ATXN7: variants seen among roughly 807,000 people sequenced by gnomAD.
ATXN7 encodes the protein ataxin-7.
In ATXN7, 12 loss-of-function variants were observed where a neutral mutation model predicts 70.5. That is an observed-to-expected ratio of 0.17 (90% confidence interval 0.11 to 0.28). The LOEUF (loss-of-function observed/expected upper bound fraction) is 0.28. Among genes scored for constraint, ATXN7 ranks in the 10% least tolerant of loss-of-function variants. The pLI is 1.00. For synonymous variants in ATXN7, 498 were observed against 448.7 expected (o/e 1.11, Z -1.39); for missense variants, 1,256 against 1,131.7 (o/e 1.11, Z -1.58).
intron 5 of ATXN7, among the ~76,000 whole-genome samples, chr3:63,965,223 T>A (rs2075199547): frequency 6.6e-6 from 1 of 152,184 alleles, no homozygotes; most frequent in Non-Finnish European, 1.5e-5. Context: ...TTGCTGAACG[T>A]TTAACAAGTG....
intron 4 of ATXN7, among the ~76,000 whole-genome samples, chr3:63,914,590 G>T (rs973961813): frequency 6.6e-6 from 1 of 152,204 alleles, no homozygotes; most frequent in African/African-American, 2.4e-5. Flanking sequence ...TAAGCAGTTA[G>T]AGTAGAACTT....
Position 63,988,295 on chromosome 3 carries a change from A to G in ATXN7, c.1332A>G (p.Lys444=). Residue 444 remains lysine (K), a synonymous_variant, in exon 9 of 13, where the codon AAA becomes AAG. Transcript: ENST00000674280. Reference sequence around the variant, plus strand: ...AATCAAAGCCTTTTGTAGCTAGTAAACCTAAACCTCACACCCCCAGTCTTC... The same window carrying G: ...AATCAAAGCCTTTTGTAGCTAGTAAGCCTAAACCTCACACCCCCAGTCTTC... ...PSESKPFVAS[K]PKPHTPSLPR... 1 of 1,613,918 alleles carries G rather than the reference A, an allele frequency of 6.2e-7. No homozygotes were observed. The highest frequency in any genetic ancestry group is 8.5e-7 in the Non-Finnish European group (1 of 1,179,968).
chr3:63,998,502 T>C, intron 12 of ATXN7: 2 of 985,430 alleles, frequency 2.0e-6, no homozygotes, highest in Non-Finnish European at 2.4e-6. Context: ...AGTGGCACTA[T>C]GTCTTACTAG....
At chr3:63,976,670 G>T (rs1338862747) in intron 5 of ATXN7, among the ~76,000 whole-genome samples, 1 of 152,160 alleles carries the variant, frequency 6.6e-6, no homozygotes, top group Non-Finnish European at 1.5e-5. Flanking sequence ...ACAGTGATGG[G>T]AATGGAAAAT....
At chr3:63,879,687 T>C (rs1411066902) in intron 1 of ATXN7, among the ~76,000 whole-genome samples, 1 of 152,016 alleles carries the variant, frequency 6.6e-6, no homozygotes, top group Non-Finnish European at 1.5e-5. Flanking sequence ...AGACGGGGTT[T>C]CACTATGTTG....
In ATXN7 at chr3:63,879,551, G is replaced by A. The variant is rs1323462353; in HGVS notation, c.-111+15393G>A. 6.6e-5 allele frequency among the ~76,000 whole-genome samples: 10 copies of A among 150,694 alleles called. No homozygotes were observed. The East Asian group carries it at 1.8e-3, about 27-fold the overall frequency. ...CACCCAGGCTAAATGAAGTACAGTG[G>A]CGCGATCTCGGCTCACTGCAACCTC... On this transcript the variant is annotated intron_variant, in intron 1 of 12. Transcript: ENST00000674280.
At chr3:63,985,635 G>A (rs1327502922) in intron 8 of ATXN7, among the ~76,000 whole-genome samples, 2 of 152,170 alleles carry the variant, frequency 1.3e-5, no homozygotes, top group Non-Finnish European at 2.9e-5. Context: ...ACCGTCAGGG[G>A]ATTTGCTGCT....
At chr3:63,922,970 G>A (rs1017626467) in intron 4 of ATXN7, among the ~76,000 whole-genome samples, 3 of 152,138 alleles carry the variant, frequency 2.0e-5, no homozygotes, top group African/African-American at 2.4e-5. Context: ...AATCACACTC[G>A]ATCAAGGACA....
intron 5 of ATXN7, among the ~76,000 whole-genome samples, chr3:63,974,950 G>A (rs1441731717): frequency 3.3e-5 from 5 of 152,190 alleles, no homozygotes; most frequent in African/African-American, 9.7e-5. Flanking sequence ...AATAATACAC[G>A]TGGTGGTGAA....
intron 10 of ATXN7, 120 bp from the exon 11 acceptor site, chr3:63,990,618 T>C: frequency 6.7e-7 from 1 of 1,496,964 alleles, no homozygotes; most frequent in Non-Finnish European, 9.2e-7. Context: ...CTTCACAGCC[T>C]CCGGTACTCA....
At chr3:63,879,779 T>A (rs943731275) in intron 1 of ATXN7, among the ~76,000 whole-genome samples, 2 of 152,114 alleles carry the variant, frequency 1.3e-5, no homozygotes, top group Non-Finnish European at 2.9e-5. Flanking sequence ...ATTCCACCGA[T>A]CTAGAAATAC....
At chr3:63,929,254 T>G (rs796366476) in intron 4 of ATXN7, among the ~76,000 whole-genome samples, 4 of 148,920 alleles carry the variant, frequency 2.7e-5, no homozygotes, top group African/African-American at 1.0e-4. Context: ...TAGGAAGCTT[T>G]CTCTCTCTCT....
chr3:63,947,496 G>C (rs1452780255), intron 4 of ATXN7, among the ~76,000 whole-genome samples: 1 of 152,186 alleles, frequency 6.6e-6, no homozygotes, highest in Non-Finnish European at 1.5e-5. Context: ...GGAGGCTGAG[G>C]TGGAAGGATC....
At chr3:63,880,042 C>T (rs569196653) in intron 1 of ATXN7, among the ~76,000 whole-genome samples, 3 of 151,950 alleles carry the variant, frequency 2.0e-5, no homozygotes, top group Non-Finnish European at 2.9e-5. Flanking sequence ...GCTGAGATCG[C>T]GCCACTGCAC....
rs191818872 is a variant in ATXN7 at position 63,868,692 on chromosome 3, C to T, written c.-111+4534C>T. ...CTGGGCAGGAAGAAATGATAGCCAC[C>T]CACCAGCATTATATTTCTCTCTGTG... On this transcript the variant is annotated intron_variant, in intron 1 of 12. Coordinates refer to ENST00000674280, the MANE Select transcript of ATXN7 (RefSeq NM_001377405.1). Among the ~76,000 whole-genome samples the T allele has an allele frequency of 4.6e-5, 7 of 151,932 alleles. No individual in the cohort carries two copies. In the East Asian group the frequency reaches 1.2e-3, roughly 25 times the overall value.
chr3:63,971,503 G>C (rs1038014337), intron 5 of ATXN7, among the ~76,000 whole-genome samples: 1 of 152,168 alleles, frequency 6.6e-6, no homozygotes, highest in African/African-American at 2.4e-5. Flanking sequence ...ATGTTTGCTT[G>C]TCAGGCCATA....
intron 12 of ATXN7, chr3:63,998,284 T>G: frequency 1.0e-6 from 1 of 984,806 alleles, no homozygotes; most frequent in Non-Finnish European, 1.2e-6. Flanking sequence ...CTTCCAGACA[T>G]TTGTTACCAG....
chr3:63,970,487 TCCG>T (rs1400957722), intron 5 of ATXN7, among the ~76,000 whole-genome samples: 1 of 152,206 alleles, frequency 6.6e-6, no homozygotes, highest in Non-Finnish European at 1.5e-5. Flanking sequence ...TCCCTATCAT[TCCG>T]TATTTTTCAA....
At chr3:63,870,418 G>A (rs999474182) in intron 1 of ATXN7, among the ~76,000 whole-genome samples, 1 of 152,144 alleles carries the variant, frequency 6.6e-6, no homozygotes, top group Non-Finnish European at 1.5e-5. Context: ...ATGTGTGTGT[G>A]TGCTCACACA....
Sources: gnomAD v4.1 joint callset for allele counts (sites outside exome capture counted in the v4.1 genomes callset) on GRCh38, gnomAD v4.1.1 for gene constraint, MANE v1.5 for transcripts, NCBI Gene and HGNC (gene_info 2026-07-23, HGNC 2026-07-21) for gene names.